GLRA2: variants seen among roughly 807,000 people sequenced by gnomAD.
The protein encoded by GLRA2 is glycine receptor alpha 2.
A neutral mutation model predicts 31.6 loss-of-function variants in GLRA2; 11 were observed. The observed-to-expected ratio is 0.35, with a 90% CI of 0.22 to 0.58. The LOEUF is 0.58. Among genes scored for constraint, GLRA2 ranks in the 20% least tolerant of loss-of-function variants. GLRA2 has a pLI of 0.84. For synonymous variants in GLRA2, 132 were observed against 134.0 expected, an observed-to-expected ratio of 0.99 and a Z score of 0.10; for missense variants, 212 against 351.8, an observed-to-expected ratio of 0.60 and a Z score of 3.18.
intron 4 of GLRA2, among the ~76,000 whole-genome samples, chrX:14,601,001 G>GT (rs746340611): frequency 0.046 from 2,791 of 60,440 alleles, 43 homozygotes; most frequent in Non-Finnish European, 0.072. Flanking sequence ...CTTTGTTGTT[G>GT]TTTTTTTTTT....
chrX:14,692,091 T>G (rs954234240), intron 8 of GLRA2, among the ~76,000 whole-genome samples: 1 of 111,974 alleles, frequency 8.9e-6, no homozygotes, highest in African/African-American at 3.2e-5. Context: ...TCTGACTGCA[T>G]CCACTGAAAG....
At chrX:14,574,704 T>TTTGTAGTA in intron 3 of GLRA2, 1 of 473,810 alleles carries the variant, frequency 2.1e-6, no homozygotes, top group East Asian at 3.5e-5. Flanking sequence ...TACTACTTTA[T>TTTGTAGTA]TTTGTAAAGT....
intron 8 of GLRA2, among the ~76,000 whole-genome samples, chrX:14,710,618 A>T (rs1260609938): frequency 8.9e-6 from 1 of 112,141 alleles, no homozygotes; most frequent in Non-Finnish European, 1.9e-5. Context: ...TGTACGTCAA[A>T]GATAATTGAA....
intron 2 of GLRA2, among the ~76,000 whole-genome samples, chrX:14,557,776 G>C (rs2089673005): frequency 9.0e-6 from 1 of 111,061 alleles, no homozygotes; most frequent in African/African-American, 3.3e-5. Flanking sequence ...GGGGGATGCT[G>C]CTACACACCC....
intron 7 of GLRA2, among the ~76,000 whole-genome samples, chrX:14,679,583 C>G (rs192016409): frequency 9.0e-6 from 1 of 110,878 alleles, no homozygotes; most frequent in African/African-American, 3.3e-5. Flanking sequence ...CACCCCTCAC[C>G]GTTAACTCCC....
intron 2 of GLRA2, among the ~76,000 whole-genome samples, chrX:14,549,246 A>G (rs1364688423): frequency 8.9e-6 from 1 of 111,953 alleles, no homozygotes; most frequent in African/African-American, 3.2e-5. Flanking sequence ...ATAATAAAAG[A>G]TGAGTATCTC....
chrX:14,514,406 A>G, the GLRA2 span, among the ~76,000 whole-genome samples: 1 of 111,267 alleles, frequency 9.0e-6, no homozygotes, highest in Non-Finnish European at 1.9e-5. Context: ...GGAAATAAAA[A>G]ATAAGTTTTT....
upstream of GLRA2, among the ~76,000 whole-genome samples, chrX:14,528,273 G>A (rs2089205458): frequency 8.9e-6 from 1 of 112,100 alleles, no homozygotes; most frequent in South Asian, 3.7e-4. Flanking sequence ...AAAAGAACTT[G>A]CCATCTTTTT....
At chrX:14,698,442 G>A (rs2091481004) in intron 8 of GLRA2, among the ~76,000 whole-genome samples, 2 of 109,513 alleles carry the variant, frequency 1.8e-5, no homozygotes, top group African/African-American at 6.7e-5. Flanking sequence ...ACTTTGGGAG[G>A]CCGAGGTGGG....
chrX:14,667,920 G>A (rs1198017873), intron 7 of GLRA2, among the ~76,000 whole-genome samples: 2 of 111,788 alleles, frequency 1.8e-5, no homozygotes, highest in African/African-American at 6.5e-5. Context: ...CAGTTTTTAT[G>A]AGCATTTTTA....
At chrX:14,613,769 T>A (rs2090426839) in intron 7 of GLRA2, among the ~76,000 whole-genome samples, 1 of 110,900 alleles carries the variant, frequency 9.0e-6, no homozygotes, top group African/African-American at 3.3e-5. Context: ...TGGGTTCAGT[T>A]CCAGAGGGTC....
chrX:14,604,462 G>C (rs754515168), intron 5 of GLRA2, 65 bp downstream of exon 5: 1 of 669,708 alleles, frequency 1.5e-6, no homozygotes, highest in African/African-American at 2.2e-5. Context: ...CTTTTAGTAT[G>C]TCATTAAAGA....
intron 7 of GLRA2, among the ~76,000 whole-genome samples, chrX:14,671,216 T>A (rs1001356437): frequency 2.7e-5 from 3 of 111,166 alleles, no homozygotes; most frequent in Non-Finnish European, 3.8e-5. Context: ...AAGAAAAAAA[T>A]TTTCAGGATG....
chrX:14,472,687 C>G, the GLRA2 span, among the ~76,000 whole-genome samples: 1 of 111,295 alleles, frequency 9.0e-6, no homozygotes, highest in Admixed American at 9.6e-5. Context: ...CAGCTCCTGT[C>G]GCATCTTTTT....
At chrX:14,715,161 A>G (rs2091767693) in intron 8 of GLRA2, among the ~76,000 whole-genome samples, 2 of 112,289 alleles carry the variant, frequency 1.8e-5, no homozygotes, top group Non-Finnish European at 3.8e-5. Context: ...GATTCTTAAC[A>G]GGGTGAATCT....
chrX:14,472,615 C>T, the GLRA2 span, among the ~76,000 whole-genome samples: 2 of 111,263 alleles, frequency 1.8e-5, no homozygotes, highest in African/African-American at 6.5e-5. Context: ...CCCACTAATA[C>T]GCGAGAACAG....
intron 2 of GLRA2, among the ~76,000 whole-genome samples, chrX:14,553,989 TGACTC>T (rs1179745622): frequency 8.9e-6 from 1 of 112,283 alleles, no homozygotes; most frequent in Non-Finnish European, 1.9e-5. Flanking sequence ...CCTAAATCCT[TGACTC>T]GAGGAGAACA....
At chrX:14,673,485 G>A (rs2091114478) in intron 7 of GLRA2, among the ~76,000 whole-genome samples, 1 of 111,554 alleles carries the variant, frequency 9.0e-6, no homozygotes, top group Non-Finnish European at 1.9e-5. Context: ...TTTGAGAAAT[G>A]GTCAGGGGTG....
chrX:14,472,552 G>T, the GLRA2 span, among the ~76,000 whole-genome samples: 1 of 110,772 alleles, frequency 9.0e-6, no homozygotes, highest in Non-Finnish European at 1.9e-5. Context: ...TTAGGCCCCA[G>T]TGTGTGTTGT....
Sources: gnomAD v4.1 joint callset for allele counts (sites outside exome capture counted in the v4.1 genomes callset) on GRCh38, gnomAD v4.1.1 for gene constraint, MANE v1.5 for transcripts, NCBI Gene and HGNC (gene_info 2026-07-23, HGNC 2026-07-21) for gene names.